The following DDX10 variants were observed in gnomAD, a reference collection of about 807,000 sequenced individuals.
The protein encoded by DDX10 is DEAD-box helicase 10, also known as probable ATP-dependent RNA helicase DDX10.
In DDX10, 74 loss-of-function variants were observed where a neutral mutation model predicts 104.3. That is an observed-to-expected ratio of 0.71 (90% CI 0.59 to 0.86). The LOEUF (loss-of-function observed/expected upper bound fraction) is 0.86. Among genes scored for constraint, DDX10 ranks in the 40% least tolerant of loss-of-function variants. The probability of loss-of-function intolerance (pLI) is 0.00; values close to 1 mark genes in which losing one functional copy is unlikely to be tolerated. For synonymous variants in DDX10, 351 were observed against 353.4 expected (o/e 0.99, Z 0.08); for missense variants, 952 against 1,040.0 (o/e 0.92, Z 1.16).
rs1489808782 is a variant in DDX10, at chr11:108,852,071, G to A, written c.2248-82G>A. The A allele has an allele frequency of 3.7e-5, 41 of 1,104,490 alleles. No individual in the cohort carries two copies. In the East Asian group the frequency reaches 1.0e-3, roughly 27 times the overall value. The allele number at this position is 1,104,490 out of a possible 1,614,324, so 68.4% of individuals were successfully genotyped here. Reference sequence around the variant, plus strand: ...GAATGTCATATATTAGTTAGCTTTAGGAAATAAAACTGTAATGAATGTGTA... The same window carrying A: ...GAATGTCATATATTAGTTAGCTTTAAGAAATAAAACTGTAATGAATGTGTA... On this transcript the variant is annotated intron_variant, in intron 15 of 17. Transcript: ENST00000322536.
At chr11:108,812,998 A>AAAAAAAAAAAG (rs1301369667) in intron 13 of DDX10, among the ~76,000 whole-genome samples, 1 of 151,510 alleles carries the variant, frequency 6.6e-6, no homozygotes, top group African/African-American at 2.4e-5. Flanking sequence ...AAAAAAGAAC[A>AAAAAAAAAAAG]AACATTTACT....
At chr11:108,882,079 C>A (rs1434740237) in intron 16 of DDX10, among the ~76,000 whole-genome samples, 1 of 152,072 alleles carries the variant, frequency 6.6e-6, no homozygotes, top group Non-Finnish European at 1.5e-5. Flanking sequence ...AAGTGAATAG[C>A]ATCAGGGTTG....
At chr11:108,785,961 C>T (rs1205181937) in intron 13 of DDX10, among the ~76,000 whole-genome samples, 1 of 151,912 alleles carries the variant, frequency 6.6e-6, no homozygotes, top group Non-Finnish European at 1.5e-5. Context: ...TCTTTCCGAC[C>T]TCTTGATGAA....
At chr11:108,809,275 C>T (rs560067927) in intron 13 of DDX10, among the ~76,000 whole-genome samples, 6 of 152,052 alleles carry the variant, frequency 3.9e-5, no homozygotes, top group Non-Finnish European at 7.4e-5. Context: ...TGTTAAAATG[C>T]GAGACATTTT....
In DDX10 at chr11:108,882,763, G is replaced by A. The variant is rs908435134; in HGVS notation, c.2304+30554G>A. ...ACTTTAGGAAATTACAGAGAAGTGC[G>A]TTTCAGTAATGTGCAAAAATGCTCT... On this transcript the variant is annotated intron_variant, in intron 16 of 17. Coordinates refer to ENST00000322536, the MANE Select transcript of DDX10 (RefSeq NM_004398.4). Among the ~76,000 whole-genome samples the A allele has an allele frequency of 7.2e-5, 11 of 152,264 alleles. No homozygotes were observed. The East Asian group carries it at 9.6e-4, about 13-fold the overall frequency.
intron 13 of DDX10, among the ~76,000 whole-genome samples, chr11:108,830,381 G>A (rs928931983): frequency 6.6e-6 from 1 of 152,094 alleles, no homozygotes; most frequent in Non-Finnish European, 1.5e-5. Flanking sequence ...GTGTATAGCA[G>A]TGCTACTTTA....
chr11:108,778,703 T>G (rs2094373590), intron 13 of DDX10, among the ~76,000 whole-genome samples: 1 of 152,086 alleles, frequency 6.6e-6, no homozygotes, highest in Non-Finnish European at 1.5e-5. Flanking sequence ...TGGGATCTAA[T>G]TAAACTAAAG....
chr11:108,701,124 C>G (rs2094267214), intron 9 of DDX10, among the ~76,000 whole-genome samples: 1 of 151,982 alleles, frequency 6.6e-6, no homozygotes, highest in African/African-American at 2.4e-5. Context: ...ATTTCCAAAC[C>G]TGTTCTTTTT....
chr11:108,848,382 A>G (rs117810640), intron 15 of DDX10, among the ~76,000 whole-genome samples: 1 of 152,274 alleles, frequency 6.6e-6, no homozygotes, highest in East Asian at 1.9e-4. Context: ...AGGACAAGGG[A>G]CTCAGTATCT....
intron 13 of DDX10, among the ~76,000 whole-genome samples, chr11:108,816,184 A>T (rs912317848): frequency 2.6e-5 from 4 of 152,108 alleles, no homozygotes; most frequent in African/African-American, 4.8e-5. Context: ...TCTTTAAATG[A>T]TGGGGGAATA....
At chr11:108,910,412 T>C (rs1863653583) in intron 16 of DDX10, among the ~76,000 whole-genome samples, 1 of 152,248 alleles carries the variant, frequency 6.6e-6, no homozygotes, top group Non-Finnish European at 1.5e-5. Context: ...AGATAATCTA[T>C]GTTAAAGCAC....
chr11:108,801,269 C>T (rs376600375), intron 13 of DDX10, among the ~76,000 whole-genome samples: 59 of 152,286 alleles, frequency 3.9e-4, no homozygotes, highest in African/African-American at 1.1e-3. Context: ...TAACCTGTGA[C>T]GAGAAATGAC....
At chr11:108,731,015 C>T (rs1289979078) in intron 13 of DDX10, among the ~76,000 whole-genome samples, 6 of 151,608 alleles carry the variant, frequency 4.0e-5, no homozygotes, top group African/African-American at 7.3e-5. Flanking sequence ...AGTTGAATTT[C>T]GTGGTTCTCC....
intron 13 of DDX10, among the ~76,000 whole-genome samples, chr11:108,773,462 T>A (rs188236680): frequency 5.0e-4 from 76 of 152,334 alleles, no homozygotes; most frequent in African/African-American, 1.6e-3. Flanking sequence ...TAAATTTTTT[T>A]ATTTATTGTT....
At chr11:108,903,850 T>C (rs1863552289) in intron 16 of DDX10, among the ~76,000 whole-genome samples, 1 of 152,186 alleles carries the variant, frequency 6.6e-6, no homozygotes, top group African/African-American at 2.4e-5. Context: ...TTGTTTCCAC[T>C]TTCTGACTGT....
chr11:108,845,069 G>A (rs1032152951), intron 15 of DDX10, among the ~76,000 whole-genome samples: 1 of 151,974 alleles, frequency 6.6e-6, no homozygotes, highest in Non-Finnish European at 1.5e-5. Flanking sequence ...TTAGCCAGTC[G>A]TGATGGCGGG....
intron 16 of DDX10, among the ~76,000 whole-genome samples, chr11:108,871,558 C>T (rs1863082223): frequency 6.6e-6 from 1 of 152,220 alleles, no homozygotes; most frequent in Non-Finnish European, 1.5e-5. Context: ...CAAATTTCAG[C>T]TCTGCTTCCT....
At chr11:108,728,292 C>G (rs2094307742) in intron 13 of DDX10, among the ~76,000 whole-genome samples, 1 of 151,956 alleles carries the variant, frequency 6.6e-6, no homozygotes, top group African/African-American at 2.4e-5. Context: ...GTGCTCTGTT[C>G]TTGAGGGGCA....
At chr11:108,845,383 CCTAA>C (rs1371126138) in intron 15 of DDX10, among the ~76,000 whole-genome samples, 1 of 151,960 alleles carries the variant, frequency 6.6e-6, no homozygotes, top group African/African-American at 2.4e-5. Context: ...ACATTTTTTT[CCTAA>C]CTGAGTATAC....
Sources: gnomAD v4.1 joint callset for allele counts (sites outside exome capture counted in the v4.1 genomes callset) on GRCh38, gnomAD v4.1.1 for gene constraint, MANE v1.5 for transcripts, NCBI Gene and HGNC (gene_info 2026-07-23, HGNC 2026-07-21) for gene names.